Variants in SLC66A2 observed in about 807,000 individuals in gnomAD.
The protein encoded by SLC66A2 is PQ loop repeat containing 1.
A neutral mutation model predicts 25.5 loss-of-function variants in SLC66A2; 23 were observed. The observed-to-expected ratio is 0.90, with a 90% CI of 0.65 to 1.28. The LOEUF (loss-of-function observed/expected upper bound fraction) is 1.28, where lower values mean the gene tolerates loss of function less well. Among genes scored for constraint, SLC66A2 ranks in the 50% most tolerant of loss-of-function variants. SLC66A2 has a pLI of 0.00. For missense variants in SLC66A2, 396 were observed against 373.1 expected (o/e 1.06, Z -0.51); for synonymous variants, 193 against 166.5 (o/e 1.16, Z -1.23).
chr18:79,919,416 G>A lies in SLC66A2; in HGVS notation c.392-16C>T, dbSNP rs1212681961. 1 of 1,610,154 alleles carries A rather than the reference G, an allele frequency of 6.2e-7. No homozygotes were observed. Among genetic ancestry groups the A allele is most frequent in the Non-Finnish European group, 8.5e-7 (1 of 1,177,654 alleles). ...GGGTCGAAGTCTAGGGCGAGAGGGA[G>A]AAGCAGCCTCAGCACAGCTTAGGGT... On this transcript the variant is annotated splice_polypyrimidine_tract_variant and intron_variant, in intron 4 of 5. Transcript: ENST00000397778.
chr18:79,943,028 A>G (rs1246138668), intron 3 of SLC66A2, among the ~76,000 whole-genome samples: 1 of 152,228 alleles, frequency 6.6e-6, no homozygotes, highest in Non-Finnish European at 1.5e-5. Context: ...ACAGATGAGC[A>G]CTTCTTGTTC....
Position 79,904,512 on chromosome 18 carries a change from C to T in SLC66A2, c.609-329G>A, listed in dbSNP as rs1981753456. On this transcript the variant is annotated intron_variant, in intron 5 of 5. Coordinates refer to ENST00000397778, the MANE Select transcript of SLC66A2 (RefSeq NM_025078.5). The surrounding 1 kb of genome is among the most constrained non-coding windows in gnomAD (Gnocchi z 6.3). ...GCCGCCTGGCTGGGGCTCTGCAAGC[C>T]CAAGAACAGTGAGACCAGCTCGAGG... Among the ~76,000 whole-genome samples the T allele has an allele frequency of 2.6e-5, 4 of 152,124 alleles. No homozygotes were observed. In the South Asian group the frequency reaches 8.3e-4, roughly 32 times the overall value.
At chr18:79,949,065 G>A (rs563015851) in intron 2 of SLC66A2, among the ~76,000 whole-genome samples, 8 of 152,220 alleles carry the variant, frequency 5.3e-5, no homozygotes, top group East Asian at 3.9e-4. Flanking sequence ...ACCTCGAGAC[G>A]GGACTCGGAC....
At chr18:79,923,336 G>A (rs975183579) in intron 4 of SLC66A2, among the ~76,000 whole-genome samples, 19 of 151,618 alleles carry the variant, frequency 1.3e-4, no homozygotes, top group African/African-American at 4.6e-4. Flanking sequence ...AGGCAGGGGG[G>A]CTGTGGACAG....
chr18:79,915,676 A>G (rs1294356925), intron 5 of SLC66A2: 1 of 152,086 alleles, frequency 6.6e-6, no homozygotes. Flanking sequence ...TGCCTGTGAC[A>G]TCCCGTCCCC....
intron 5 of SLC66A2, among the ~76,000 whole-genome samples, chr18:79,908,231 T>C (rs1175958940): frequency 6.6e-6 from 1 of 152,202 alleles, no homozygotes; most frequent in East Asian, 1.9e-4. Context: ...TTTTTAGTAT[T>C]TCCTGTTGAG....
At chr18:79,925,754 T>C (rs1985877642) in intron 4 of SLC66A2, among the ~76,000 whole-genome samples, 1 of 152,232 alleles carries the variant, frequency 6.6e-6, no homozygotes, top group Non-Finnish European at 1.5e-5. Flanking sequence ...GGTCGTGTTT[T>C]CATGTCTACA....
chr18:79,906,331 A>C (rs1982125068), intron 5 of SLC66A2, among the ~76,000 whole-genome samples: 1 of 152,156 alleles, frequency 6.6e-6, no homozygotes, highest in Non-Finnish European at 1.5e-5. Context: ...GCTTAGATTG[A>C]TGATTTGAGA....
At position 79,903,235 on chromosome 18, in the gene SLC66A2, G is replaced by A. The variant is rs1468680565; in HGVS notation, c.*741C>T. Reference sequence around the variant, plus strand: ...GCCCATGAGGGCCTCCACGTTGTCTGATGGTCGCTGGCATCTGCCACGTCC... The same window carrying A: ...GCCCATGAGGGCCTCCACGTTGTCTAATGGTCGCTGGCATCTGCCACGTCC... On this transcript the variant is annotated 3_prime_UTR_variant, in exon 6 of 6. Coordinates refer to ENST00000397778, the MANE Select transcript of SLC66A2 (RefSeq NM_025078.5). 6.6e-6 allele frequency: 1 copy of A among 152,420 alleles called. No homozygotes were observed. The highest frequency in any genetic ancestry group is 1.5e-5 in the Non-Finnish European group (1 of 68,172). 9.4% of individuals were successfully genotyped at this position (152,420 alleles called of 1,614,324 possible).
chr18:79,912,556 CTGATG>C (rs1389229169), intron 5 of SLC66A2, among the ~76,000 whole-genome samples: 2 of 152,084 alleles, frequency 1.3e-5, no homozygotes, highest in Non-Finnish European at 2.9e-5. Context: ...TCAGGCACCA[CTGATG>C]TGATGTGTCC....
rs1328631660 is a variant in SLC66A2 at position 79,918,548 on chromosome 18, C to T, written c.608+636G>A. ...GAGGGACTAGAGTTTTCTGCCCCCGCCACAGCGAGCAGATCTGTTTTTATT... is the reference window on the plus strand; with the variant it reads ...GAGGGACTAGAGTTTTCTGCCCCCGTCACAGCGAGCAGATCTGTTTTTATT... On this transcript the variant is annotated intron_variant, in intron 5 of 5. Transcript: ENST00000397778. The surrounding 1 kb of genome is among the most constrained non-coding windows in gnomAD (Gnocchi z 4.0). Among the ~76,000 whole-genome samples the T allele has an allele frequency of 6.6e-6, 1 of 152,226 alleles. No individual in the cohort carries two copies. Among genetic ancestry groups the T allele is most frequent in the African/African-American group, 2.4e-5 (1 of 41,456 alleles).
chr18:79,905,598 C>T (rs1000581201), intron 5 of SLC66A2, among the ~76,000 whole-genome samples: 4 of 152,286 alleles, frequency 2.6e-5, no homozygotes, highest in Non-Finnish European at 5.9e-5. Context: ...CCGAGCATTG[C>T]GCGGTGACCC....
Position 79,924,167 on chromosome 18 carries a change from G to A in SLC66A2, c.392-4767C>T, listed in dbSNP as rs79510656. The stretch of plus-strand genomic sequence containing the variant: ...AGAGGGACAGCAGGGTGAGAGGCAC[G>A]AGGCGAGGCAGCTGAGATGCGTGGT... On this transcript the variant is annotated intron_variant, in intron 4 of 5. Coordinates refer to ENST00000397778, the MANE Select transcript of SLC66A2 (RefSeq NM_025078.5). Among the ~76,000 whole-genome samples the A allele has an allele frequency of 3.9e-3, 601 of 152,344 alleles. 19 individuals carry two copies. The East Asian group carries it at 0.06, about 15-fold the overall frequency.
At chr18:79,922,206 C>T (rs939340659) in intron 4 of SLC66A2, among the ~76,000 whole-genome samples, 2 of 151,076 alleles carry the variant, frequency 1.3e-5, no homozygotes, top group African/African-American at 2.4e-5. Context: ...TCTTCAGGGG[C>T]CAAGGAGGGA....
intron 2 of SLC66A2, chr18:79,944,667 GC>G (rs1334966436): frequency 6.6e-6 from 1 of 152,440 alleles, no homozygotes; most frequent in Non-Finnish European, 1.5e-5. Flanking sequence ...ATCTCAATCA[GC>G]CTGCAGTTTG....
intron 4 of SLC66A2, among the ~76,000 whole-genome samples, chr18:79,929,300 G>C (rs1194069903): frequency 6.6e-6 from 1 of 152,190 alleles, no homozygotes; most frequent in East Asian, 1.9e-4. Context: ...AATGAGTGGA[G>C]GCCAACAGCT....
intron 5 of SLC66A2, among the ~76,000 whole-genome samples, chr18:79,908,902 C>T (rs1187632289): frequency 6.6e-6 from 1 of 152,210 alleles, no homozygotes; most frequent in Non-Finnish European, 1.5e-5. Flanking sequence ...ATTCCAAGAA[C>T]GTTTGCTCTT....
chr18:79,924,384 C>G (rs567695381), intron 4 of SLC66A2, among the ~76,000 whole-genome samples: 3 of 152,124 alleles, frequency 2.0e-5, no homozygotes, highest in Non-Finnish European at 4.4e-5. Flanking sequence ...CACAGGCGAG[C>G]GCACAGACAG....
chr18:79,951,409 G>C (rs1205205287), intron 1 of SLC66A2, among the ~76,000 whole-genome samples, 172 bp downstream of exon 1: 1 of 151,210 alleles, frequency 6.6e-6, no homozygotes, highest in Non-Finnish European at 1.5e-5. Flanking sequence ...CTCGGGGGAA[G>C]GGGGCGCAGG....
Sources: allele counts gnomAD v4.1 joint callset (sites outside exome capture counted in the v4.1 genomes callset), GRCh38; gene constraint gnomAD v4.1.1; non-coding constraint Gnocchi (gnomAD v3.1); transcripts MANE v1.5; gene names NCBI Gene and HGNC (gene_info 2026-07-23, HGNC 2026-07-21).